The following SGCZ variants were observed in gnomAD, a reference collection of about 807,000 sequenced individuals.
The protein encoded by SGCZ is sarcoglycan zeta, also known as zeta-sarcoglycan.
SGCZ carries 40 observed loss-of-function variants against 41.3 expected under a neutral mutation model. The observed-to-expected ratio is 0.97, with a 90% CI of 0.75 to 1.26. The LOEUF (loss-of-function observed/expected upper bound fraction) is 1.26, where lower values mean the gene tolerates loss of function less well. Ranked by LOEUF, SGCZ falls within the 50% of genes most tolerant of loss-of-function variation. SGCZ has a pLI of 0.00. For synonymous variants in SGCZ, 206 were observed against 137.5 expected (o/e 1.50, Z -3.49); for missense variants, 552 against 369.8 (o/e 1.49, Z -4.04).
At chr8:15,062,506 A>C (rs1333123088) in intron 1 of SGCZ, among the ~76,000 whole-genome samples, 1 of 152,196 alleles carries the variant, frequency 6.6e-6, no homozygotes, top group Non-Finnish European at 1.5e-5. Context: ...TACAAATAGA[A>C]ATAGTCAAGT....
chr8:14,379,113 T>G (rs1452327520), intron 2 of SGCZ, among the ~76,000 whole-genome samples: 1 of 152,198 alleles, frequency 6.6e-6, no homozygotes, highest in Non-Finnish European at 1.5e-5. Context: ...TAATTCTTCC[T>G]GAGGTATCAG....
intron 1 of SGCZ, among the ~76,000 whole-genome samples, chr8:14,810,866 T>A (rs970399153): frequency 2.6e-5 from 4 of 152,082 alleles, no homozygotes; most frequent in Non-Finnish European, 5.9e-5. Context: ...CAAAATATTT[T>A]AAAAGTATTT....
intron 1 of SGCZ, among the ~76,000 whole-genome samples, chr8:15,127,250 ACACACAAACAAACACACACACAC>A (rs1807734192): frequency 1.7e-4 from 2 of 12,118 alleles, no homozygotes; most frequent in African/African-American, 2.6e-4. Context: ...ACACACACAC[ACACACAAACAAACACACACACAC>A]ACACACACAC....
chr8:14,378,077 T>G (rs1481592316), intron 2 of SGCZ, among the ~76,000 whole-genome samples: 1 of 150,270 alleles, frequency 6.7e-6, no homozygotes, highest in South Asian at 2.1e-4. Context: ...ATAGTATTTC[T>G]AGTTCTAGAT....
chr8:15,219,685 T>A (rs111896671), intron 1 of SGCZ, among the ~76,000 whole-genome samples: 90 of 152,294 alleles, frequency 5.9e-4, no homozygotes, highest in African/African-American at 2.0e-3. Flanking sequence ...TCTAAGTGAA[T>A]ACAGAAGGAA....
chr8:14,157,365 AGTGTGTGTGTGTGT>A (rs1276673001), intron 5 of SGCZ, among the ~76,000 whole-genome samples: 14 of 89,416 alleles, frequency 1.6e-4, no homozygotes, highest in African/African-American at 4.6e-4. Context: ...TGTGTGTGTG[AGTGTGTGTGTGTGT>A]GTGTGTGTGT....
At chr8:14,511,153 A>C (rs754457663) in intron 2 of SGCZ, among the ~76,000 whole-genome samples, 1 of 151,922 alleles carries the variant, frequency 6.6e-6, no homozygotes, top group Non-Finnish European at 1.5e-5. Flanking sequence ...GTTTATCTTG[A>C]GAAATGTATG....
intron 2 of SGCZ, among the ~76,000 whole-genome samples, chr8:14,393,748 A>T (rs540497095): frequency 6.6e-6 from 1 of 152,306 alleles, no homozygotes; most frequent in South Asian, 2.1e-4. Flanking sequence ...ACCCCAGGGT[A>T]TACACCCTAG....
intron 1 of SGCZ, among the ~76,000 whole-genome samples, chr8:14,979,087 C>G (rs542155479): frequency 5.3e-5 from 8 of 152,248 alleles, no homozygotes; most frequent in Admixed American, 4.6e-4. Context: ...GTGTGAGCCA[C>G]CACACTCAGC....
intron 1 of SGCZ, among the ~76,000 whole-genome samples, chr8:15,089,754 T>A (rs1055433840): frequency 3.3e-5 from 5 of 152,190 alleles, no homozygotes; most frequent in African/African-American, 1.2e-4. Context: ...TACAGCTGCG[T>A]CATGTACACA....
At chr8:15,066,090 T>C (rs999202632) in intron 1 of SGCZ, among the ~76,000 whole-genome samples, 5 of 151,444 alleles carry the variant, frequency 3.3e-5, no homozygotes, top group South Asian at 2.1e-4. Flanking sequence ...GGGTGGATCA[T>C]GAGGTCAGGA....
intron 3 of SGCZ, among the ~76,000 whole-genome samples, chr8:14,286,515 T>C (rs928764314): frequency 6.6e-6 from 1 of 152,140 alleles, no homozygotes; most frequent in African/African-American, 2.4e-5. Context: ...TGTTCTGAGG[T>C]TGTACCCGAG....
chr8:14,267,680 G>C (rs1047303701), intron 3 of SGCZ, among the ~76,000 whole-genome samples: 1 of 152,062 alleles, frequency 6.6e-6, no homozygotes, highest in South Asian at 2.1e-4. Context: ...GTGGGATTGT[G>C]AATATGATAC....
intron 1 of SGCZ, among the ~76,000 whole-genome samples, chr8:14,987,399 A>G (rs970360983): frequency 6.6e-6 from 1 of 151,924 alleles, no homozygotes; most frequent in South Asian, 2.1e-4. Context: ...CTTCTATATA[A>G]ATCCTGTTAT....
intron 3 of SGCZ, among the ~76,000 whole-genome samples, chr8:14,284,170 T>G (rs948546733): frequency 1.3e-5 from 2 of 152,232 alleles, no homozygotes; most frequent in African/African-American, 2.4e-5. Flanking sequence ...GCAGGCAGAT[T>G]GCTTGGGTCT....
chr8:15,052,346 G>A (rs957815699), intron 1 of SGCZ, among the ~76,000 whole-genome samples: 3 of 152,208 alleles, frequency 2.0e-5, no homozygotes, highest in Non-Finnish European at 4.4e-5. Context: ...AAGGGCATTT[G>A]CTGAAAGCAG....
At chr8:14,423,572 A>G (rs1327364100) in intron 2 of SGCZ, among the ~76,000 whole-genome samples, 1 of 152,016 alleles carries the variant, frequency 6.6e-6, no homozygotes, top group African/African-American at 2.4e-5. Flanking sequence ...ATACACCACC[A>G]TACCTGGCTA....
chr8:15,062,880 T>C (rs921126639), intron 1 of SGCZ, among the ~76,000 whole-genome samples: 3 of 152,206 alleles, frequency 2.0e-5, no homozygotes, highest in African/African-American at 7.2e-5. Context: ...TTCAAAGATA[T>C]GCAGTTCTAA....
chr8:14,290,939 T>C (rs1800819007), intron 3 of SGCZ, among the ~76,000 whole-genome samples: 1 of 152,116 alleles, frequency 6.6e-6, no homozygotes, highest in African/African-American at 2.4e-5. Context: ...GGAATCACCC[T>C]AAAAATCCAT....
Sources: gnomAD v4.1 joint callset for allele counts (sites outside exome capture counted in the v4.1 genomes callset) on GRCh38, gnomAD v4.1.1 for gene constraint, MANE v1.5 for transcripts, NCBI Gene and HGNC (gene_info 2026-07-23, HGNC 2026-07-21) for gene names.